The following BTC variants were observed in gnomAD, a reference collection of about 807,000 sequenced individuals.
The protein encoded by BTC is betacellulin.
BTC carries 13 observed loss-of-function variants against 18.1 expected under a neutral mutation model. The ratio of observed to expected loss-of-function variants is 0.72; its 90% CI spans 0.47 to 1.14. BTC has a LOEUF of 1.14. BTC is among the 50% of genes most tolerant of loss of function. BTC has a pLI of 0.00. For missense variants in BTC, 247 were observed against 224.2 expected (o/e 1.10, Z -0.65); for synonymous variants, 83 against 79.4 (o/e 1.05, Z -0.24).
At chr4:74,772,968 T>A (rs1221876204) in intron 1 of BTC, among the ~76,000 whole-genome samples, 1 of 152,152 alleles carries the variant, frequency 6.6e-6, no homozygotes, top group Non-Finnish European at 1.5e-5. Context: ...CACATGCTGG[T>A]GTCAGTTGGC....
At chr4:74,773,465 A>G (rs1296544337) in intron 1 of BTC, among the ~76,000 whole-genome samples, 1 of 152,218 alleles carries the variant, frequency 6.6e-6, no homozygotes, top group Non-Finnish European at 1.5e-5. Context: ...ATAAAGAGAA[A>G]GGACACTCCA....
At chr4:74,770,037 A>G (rs746233903) in intron 2 of BTC, 21 bp downstream of exon 2, 19 of 1,573,168 alleles carry the variant, frequency 1.2e-5, no homozygotes, top group South Asian at 5.7e-5. Flanking sequence ...AGATTTGAAT[A>G]TAAAACTTGT....
At chr4:74,761,806 G>T (rs1724764529) in intron 2 of BTC, among the ~76,000 whole-genome samples, 1 of 152,098 alleles carries the variant, frequency 6.6e-6, no homozygotes, top group Non-Finnish European at 1.5e-5. Flanking sequence ...CCTTTAACTA[G>T]TCTCTTTCCT....
chr4:74,772,714 G>T (rs1725076222), intron 1 of BTC, among the ~76,000 whole-genome samples: 1 of 151,538 alleles, frequency 6.6e-6, no homozygotes, highest in African/African-American at 2.4e-5. Context: ...GAGGATGGTA[G>T]TATCTCCTTC....
intron 1 of BTC, among the ~76,000 whole-genome samples, chr4:74,780,649 C>G (rs1577966858): frequency 6.6e-6 from 1 of 152,256 alleles, no homozygotes; most frequent in East Asian, 1.9e-4. Context: ...AGTAAGATAT[C>G]AGTCCGTCAT....
intron 2 of BTC, among the ~76,000 whole-genome samples, chr4:74,759,360 G>A (rs1014753213): frequency 5.9e-5 from 9 of 152,054 alleles, no homozygotes; most frequent in African/African-American, 1.7e-4. Context: ...GGACACAATC[G>A]ATTTTTTTCC....
At chr4:74,769,631 C>G (rs1337582150) in intron 2 of BTC, among the ~76,000 whole-genome samples, 1 of 152,142 alleles carries the variant, frequency 6.6e-6, no homozygotes, top group Non-Finnish European at 1.5e-5. Context: ...TTCTTCCCTT[C>G]TTTTAACTAT....
intron 1 of BTC, among the ~76,000 whole-genome samples, chr4:74,784,877 A>G (rs1224860888): frequency 6.6e-6 from 1 of 152,058 alleles, no homozygotes; most frequent in East Asian, 1.9e-4. Flanking sequence ...ATTGGCCTGA[A>G]GTTTTCTTTT....
intron 1 of BTC, among the ~76,000 whole-genome samples, chr4:74,782,889 G>A (rs547869705): frequency 2.4e-4 from 36 of 152,130 alleles, no homozygotes; most frequent in African/African-American, 6.0e-4. Context: ...TCTTGGCCAC[G>A]TGTATGTCTT....
Position 74,748,739 on chromosome 4 carries a change from C to T in BTC, c.429-590G>A, listed in dbSNP as rs145928072. Among the ~76,000 whole-genome samples the T allele has an allele frequency of 2.9e-3, 436 of 152,190 alleles. 2 individuals carry two copies. The highest frequency in any genetic ancestry group is 0.016 in the South Asian group (78 of 4,824). On this transcript the variant is annotated intron_variant, in intron 4 of 5. Transcript: ENST00000395743. ...ACTAATAAGTATTATGTAGTGTACA[C>T]GTAGTGTAAAAGAAACAGTACAAAT...
rs780528693 is a variant in BTC at position 74,770,160 on chromosome 4, C to A, written c.65-4G>T. ...ACACAGTGAAGGATCACTAGACCTT[C>A]AAATTCAAAACAGAACCAAAATCAA... On this transcript the variant is annotated splice_region_variant and splice_polypyrimidine_tract_variant and intron_variant, in intron 1 of 5. Transcript: ENST00000395743. 100 of 1,597,994 alleles carry A rather than the reference C, an allele frequency of 6.3e-5. 1 individual carries two copies. Among genetic ancestry groups the A allele is most frequent in the Non-Finnish European group, 1.2e-5 (14 of 1,175,144 alleles).
chr4:74,789,753 T>C (rs926514952), intron 1 of BTC, among the ~76,000 whole-genome samples: 8 of 152,240 alleles, frequency 5.3e-5, no homozygotes, highest in African/African-American at 1.9e-4. Context: ...ATGACAGTTT[T>C]ATTTATTTTT....
chr4:74,769,555 T>C (rs1447105135), intron 2 of BTC, among the ~76,000 whole-genome samples: 1 of 152,190 alleles, frequency 6.6e-6, no homozygotes, highest in Non-Finnish European at 1.5e-5. Context: ...AAATACTGCC[T>C]TAGACTGATA....
At chr4:74,793,346 A>G (rs192436792) in intron 1 of BTC, among the ~76,000 whole-genome samples, 3 of 152,218 alleles carry the variant, frequency 2.0e-5, no homozygotes, top group Admixed American at 2.0e-4. Context: ...TCTTTCCTCA[A>G]TAAGAGGAAT....
chr4:74,792,360 C>G (rs767632740), intron 1 of BTC, among the ~76,000 whole-genome samples: 1 of 152,150 alleles, frequency 6.6e-6, no homozygotes, highest in Non-Finnish European at 1.5e-5. Flanking sequence ...GAATGTCCAT[C>G]GACTTTCAAT....
rs374798498 is a variant in BTC at position 74,753,641 on chromosome 4, A to G, written c.281+2218T>C. Among the ~76,000 whole-genome samples, 19 of 152,300 alleles carry G rather than the reference A, an allele frequency of 1.2e-4. No individual in the cohort carries two copies. In the South Asian group the frequency reaches 3.9e-3, roughly 32 times the overall value. On this transcript the variant is annotated intron_variant, in intron 3 of 5. Transcript: ENST00000395743. ...GGAGATACTTCTGGTTCCTCAAGAC[A>G]GTGTTATCACCAATGGCAAGAGAGT...
At chr4:74,762,834 A>G (rs1480148016) in intron 2 of BTC, among the ~76,000 whole-genome samples, 3 of 152,192 alleles carry the variant, frequency 2.0e-5, no homozygotes, top group Non-Finnish European at 4.4e-5. Context: ...CAGTGGTAAC[A>G]TAAATAACAT....
chr4:74,764,933 C>T (rs1724856938), intron 2 of BTC, among the ~76,000 whole-genome samples: 2 of 151,958 alleles, frequency 1.3e-5, no homozygotes, highest in Non-Finnish European at 1.5e-5. Flanking sequence ...AAAGTCATGT[C>T]TTACATGGCA....
At position 74,786,315 on chromosome 4, in the gene BTC, T is replaced by C. The variant is rs1215186113; in HGVS notation, c.64+7947A>G. On this transcript the variant is annotated intron_variant, in intron 1 of 5. Coordinates refer to ENST00000395743, the MANE Select transcript of BTC (RefSeq NM_001729.4). ...GGTTCTCGCCTATTCTAGGATGGCC[T>C]GGACCATGCAGCTCACTCCAAAGAT... Among the ~76,000 whole-genome samples the C allele has an allele frequency of 3.3e-5, 5 of 152,348 alleles. No homozygotes were observed. In the East Asian group the frequency reaches 9.6e-4, roughly 29 times the overall value.
Sources: allele counts gnomAD v4.1 joint callset (sites outside exome capture counted in the v4.1 genomes callset), GRCh38; gene constraint gnomAD v4.1.1; transcripts MANE v1.5; gene names NCBI Gene and HGNC (gene_info 2026-07-23, HGNC 2026-07-21).